The following CCDC90B variants were observed in gnomAD, a reference collection of about 807,000 sequenced individuals.
CCDC90B encodes the protein coiled-coil domain containing 90B, also known as coiled-coil domain-containing protein 90B, mitochondrial.
A neutral mutation model predicts 37.0 loss-of-function variants in CCDC90B; 24 were observed. That is an observed-to-expected ratio of 0.65 (90% CI 0.47 to 0.91). CCDC90B has a LOEUF of 0.91. CCDC90B is among the 40% of genes least tolerant of loss of function. CCDC90B has a pLI of 0.00. For synonymous variants in CCDC90B, 113 were observed against 101.1 expected, an observed-to-expected ratio of 1.12 and a Z score of -0.71; for missense variants, 319 against 299.0, an observed-to-expected ratio of 1.07 and a Z score of -0.49.
chr11:83,280,100 CT>C, intron 2 of CCDC90B, 40 bp downstream of exon 2: 1 of 1,596,042 alleles, frequency 6.3e-7, no homozygotes, highest in Non-Finnish European at 8.5e-7. Flanking sequence ...ATTATGAGTG[CT>C]ATTAATTTTC....
Position 83,265,899 on chromosome 11 carries a change from T to G in CCDC90B, c.675A>C (p.Glu225Asp). The G allele has an allele frequency of 1.2e-6, 2 of 1,610,084 alleles. No individual in the cohort carries two copies. The highest frequency in any genetic ancestry group is 1.7e-6 in the Non-Finnish European group (2 of 1,177,824). Residue 225 changes from glutamate (E) to aspartate (D), a missense_variant, in exon 8 of 9, where the codon GAA becomes GAC. By Grantham distance (45) the Glu-to-Asp change is conservative. Transcript: ENST00000529689. ...AEIASLKTLM[E>D]SNKLETIRYL... ...AACGAATTGTCTCAAGTTTGTTAGA[T>G]TCCATCAGTGTTTTTAAGGAAGCAA... is the stretch of plus-strand genomic sequence containing the variant.
intron 1 of CCDC90B, 123 bp downstream of exon 1, chr11:83,285,750 A>T (rs1865645523): frequency 6.8e-7 from 1 of 1,467,216 alleles, no homozygotes; most frequent in African/African-American, 1.4e-5. Flanking sequence ...GCCCAGCACA[A>T]GGCGTGAATC....
chr11:83,280,324 A>G, intron 1 of CCDC90B, 64 bp from the exon 2 acceptor site: 1 of 1,445,910 alleles, frequency 6.9e-7, no homozygotes, highest in Non-Finnish European at 9.6e-7. Flanking sequence ...ACTTTAGCTT[A>G]CAAAGCATTT....
chr11:83,263,484 G>C (rs1195882625), intron 8 of CCDC90B, among the ~76,000 whole-genome samples: 1 of 152,134 alleles, frequency 6.6e-6, no homozygotes, highest in Non-Finnish European at 1.5e-5. Context: ...AAAATGCTTA[G>C]GTGAGCATAT....
At chr11:83,276,352 A>G (rs1286918795) in intron 3 of CCDC90B, among the ~76,000 whole-genome samples, 3 of 152,102 alleles carry the variant, frequency 2.0e-5, no homozygotes, top group Non-Finnish European at 4.4e-5. Context: ...AAGGGATTGT[A>G]CTGTGGCCTT....
chr11:83,268,431 A>AAG (rs1565210098), intron 7 of CCDC90B, among the ~76,000 whole-genome samples: 1 of 24,918 alleles, frequency 4.0e-5, no homozygotes, highest in African/African-American at 1.7e-4. Flanking sequence ...ATGGAAAGCA[A>AAG]AAAAAAAAAA....
intron 1 of CCDC90B, among the ~76,000 whole-genome samples, chr11:83,280,851 A>G (rs1315292334): frequency 6.6e-6 from 1 of 152,236 alleles, no homozygotes; most frequent in East Asian, 1.9e-4. Context: ...GCTTTGGCAC[A>G]TAGTTGGGCC....
chr11:83,280,139 A>C lies in CCDC90B; in HGVS notation c.220+2T>G. The C allele has an allele frequency of 5.0e-6, 8 of 1,609,964 alleles. No individual in the cohort carries two copies. The highest frequency in any genetic ancestry group is 6.8e-6 in the Non-Finnish European group (8 of 1,179,240). On this transcript the variant is annotated splice_donor_variant, in intron 2 of 8. Coordinates refer to ENST00000529689, the MANE Select transcript of CCDC90B (RefSeq NM_021825.5). LOFTEE classifies it high-confidence loss of function. ...CTTTCAGGAGGTATCCATGTTTCTCACCATGAGTTTCCAAGTCCTGAACCA... is the reference window on the plus strand; with the variant it reads ...CTTTCAGGAGGTATCCATGTTTCTCCCCATGAGTTTCCAAGTCCTGAACCA...
chr11:83,281,450 C>G (rs1383601147), intron 1 of CCDC90B, among the ~76,000 whole-genome samples: 1 of 151,942 alleles, frequency 6.6e-6, no homozygotes, highest in Non-Finnish European at 1.5e-5. Context: ...ACAATAAACT[C>G]TAAATTCAAA....
chr11:83,286,221 C>T lies in CCDC90B; in HGVS notation c.-249G>A, dbSNP rs537136755. 8.8e-4 allele frequency: 1,331 copies of T among 1,517,092 alleles called. 6 individuals are homozygous for T. Among genetic ancestry groups the T allele is most frequent in the South Asian group, 3.6e-3 (304 of 83,498 alleles). 94.0% of individuals were successfully genotyped at this position (1,517,092 alleles called of 1,614,324 possible). Reference sequence around the variant, plus strand: ...CCAGCGCCCCTTCCCGACCTTTGAACGCCTTCACCGCCCTAGGAAAGCGAG... The same window carrying T: ...CCAGCGCCCCTTCCCGACCTTTGAATGCCTTCACCGCCCTAGGAAAGCGAG... On this transcript the variant is annotated 5_prime_UTR_variant, in exon 1 of 9. Coordinates refer to ENST00000529689, the MANE Select transcript of CCDC90B (RefSeq NM_021825.5).
At chr11:83,274,112 G>A in intron 4 of CCDC90B, 120 bp from the exon 5 acceptor site, 1 of 618,630 alleles carries the variant, frequency 1.6e-6, no homozygotes, top group Non-Finnish European at 2.3e-6. Flanking sequence ...ATACAGAATT[G>A]ATAAGGAAAA....
chr11:83,280,027 TG>T, intron 2 of CCDC90B, 113 bp downstream of exon 2: 7 of 976,676 alleles, frequency 7.2e-6, no homozygotes, highest in Non-Finnish European at 8.8e-6. Flanking sequence ...TTTCATTGTA[TG>T]GATGGTACAT....
At chr11:83,270,912 G>C (rs1468000147) in intron 7 of CCDC90B, among the ~76,000 whole-genome samples, 1 of 152,148 alleles carries the variant, frequency 6.6e-6, no homozygotes, top group Non-Finnish European at 1.5e-5. Context: ...CATGGTACTG[G>C]TACCAAAACA....
In CCDC90B at chr11:83,259,879, T is replaced by C. The variant is rs1863852015; in HGVS notation, c.*2032A>G. Reference sequence around the variant, plus strand: ...GCCAGTAAGCTTCTTATCACTGAACTCTAGAACTGGACAGATTTACCCTGT... The same window carrying C: ...GCCAGTAAGCTTCTTATCACTGAACCCTAGAACTGGACAGATTTACCCTGT... On this transcript the variant is annotated 3_prime_UTR_variant, in exon 9 of 9. Transcript: ENST00000529689. 6.6e-6 allele frequency: 1 copy of C among 152,256 alleles called. No individual in the cohort carries two copies. The highest frequency in any genetic ancestry group is 6.5e-5 in the Admixed American group (1 of 15,286). The allele number at this position is 152,256 out of a possible 1,614,324, so 9.4% of individuals were successfully genotyped here. A position where few individuals can be genotyped will look rare whatever the true frequency, so the allele number is the denominator to read the frequency against.
Position 83,261,790 on chromosome 11 carries a change from C to G in CCDC90B, c.*121G>C. The G allele has an allele frequency of 1.5e-6, 1 of 677,914 alleles. No individual in the cohort carries two copies. The highest frequency in any genetic ancestry group is 2.6e-6 in the Non-Finnish European group (1 of 386,878). The allele number at this position is 677,914 out of a possible 1,614,324, so 42.0% of individuals were successfully genotyped here. On this transcript the variant is annotated 3_prime_UTR_variant, in exon 9 of 9. Transcript: ENST00000529689. ...TTCTAAAACACTTCCTCTTTTAGTC[C>G]GTATACACTTCGAATAATCTTGTGT...
chr11:83,261,543 A>G lies in CCDC90B; in HGVS notation c.*368T>C, dbSNP rs1863926153. 1 of 160,974 alleles carries G rather than the reference A, an allele frequency of 6.2e-6. No individual in the cohort carries two copies. Among genetic ancestry groups the G allele is most frequent in the African/African-American group, 2.4e-5 (1 of 41,796 alleles). 10.0% of individuals were successfully genotyped at this position (160,974 alleles called of 1,614,324 possible). A position where few individuals can be genotyped will look rare whatever the true frequency, so the allele number is the denominator to read the frequency against. ...TAATTCAGTAATAAATATGTAGGCT[A>G]GGGAATGGTTTACAAATATTCAACC... On this transcript the variant is annotated 3_prime_UTR_variant, in exon 9 of 9. Coordinates refer to ENST00000529689, the MANE Select transcript of CCDC90B (RefSeq NM_021825.5).
At chr11:83,275,724 A>G (rs879683779) in intron 3 of CCDC90B, among the ~76,000 whole-genome samples, 2 of 152,166 alleles carry the variant, frequency 1.3e-5, no homozygotes, top group Non-Finnish European at 2.9e-5. Context: ...AAAGCCCAAA[A>G]AAGAGTGTGA....
Position 83,286,186 on chromosome 11 carries a change from C to G in CCDC90B, c.-214G>C, listed in dbSNP as rs1269125425. On this transcript the variant is annotated 5_prime_UTR_variant, in exon 1 of 9. Coordinates refer to ENST00000529689, the MANE Select transcript of CCDC90B (RefSeq NM_021825.5). ...GTTCGCGAGCATGGCTCAGCGCTGCCCCGCTTCTCCCAGCGCCCCTTCCCG... is the reference window on the plus strand; with the variant it reads ...GTTCGCGAGCATGGCTCAGCGCTGCGCCGCTTCTCCCAGCGCCCCTTCCCG... 1 of 1,534,126 alleles carries G rather than the reference C, an allele frequency of 6.5e-7. No homozygotes were observed.
intron 3 of CCDC90B, among the ~76,000 whole-genome samples, chr11:83,275,851 C>T (rs1208743909): frequency 6.6e-6 from 1 of 152,122 alleles, no homozygotes; most frequent in African/African-American, 2.4e-5. Context: ...AGTAACAGTA[C>T]CTGGTACAAC....
Sources: allele counts gnomAD v4.1 joint callset (sites outside exome capture counted in the v4.1 genomes callset), GRCh38; gene constraint gnomAD v4.1.1; transcripts MANE v1.5; gene names NCBI Gene and HGNC (gene_info 2026-07-23, HGNC 2026-07-21).